Variants in ADAMTS19 observed in about 807,000 individuals in gnomAD.
ADAMTS19 encodes A disintegrin and metalloproteinase with thrombospondin motifs 19.
ADAMTS19 carries 93 observed loss-of-function variants against 153.3 expected under a neutral mutation model. The observed-to-expected ratio is 0.61, with a 90% confidence interval of 0.51 to 0.72. ADAMTS19 has a LOEUF of 0.72. Ranked by LOEUF, ADAMTS19 falls within the 30% of genes least tolerant of loss-of-function variation. The probability of loss-of-function intolerance (pLI) is 0.00; values close to 1 mark genes in which losing one functional copy is unlikely to be tolerated. For missense variants in ADAMTS19, 1,482 were observed against 1,552.1 expected, an observed-to-expected ratio of 0.95 and a Z score of 0.76; for synonymous variants, 600 against 556.6, an observed-to-expected ratio of 1.08 and a Z score of -1.10.
chr5:129,704,387 C>T lies in ADAMTS19; in HGVS notation c.3308C>T (p.Ser1103Phe). 6.2e-7 allele frequency: 1 copy of T among 1,613,328 alleles called. No individual in the cohort carries two copies. ...KCYVWRMGDW[S>F]KCSITCGKGM... ...TATGTGTGGCGAATGGGTGACTGGT[C>T]TAAGGTGAGAACCATTCTGTATATT... Residue 1103 changes from serine to phenylalanine, a missense_variant, in exon 21 of 23, where the codon TCT becomes TTT. Physicochemically the swap from Ser to Phe is radical, Grantham distance 155. Around this residue, in one of 2 missense-constraint regions of ADAMTS19, gnomAD observed 616 missense variants for 724.4 expected, o/e 0.85. Transcript: ENST00000274487.
At chr5:129,509,419 A>G (rs1751364392) in intron 3 of ADAMTS19, among the ~76,000 whole-genome samples, 177 bp downstream of exon 3, 1 of 152,050 alleles carries the variant, frequency 6.6e-6, no homozygotes, top group Non-Finnish European at 1.5e-5. Flanking sequence ...GAAGCACTAC[A>G]TTTTAATATC....
At chr5:129,554,154 G>C (rs1455422794) in intron 7 of ADAMTS19, among the ~76,000 whole-genome samples, 2 of 152,034 alleles carry the variant, frequency 1.3e-5, no homozygotes, top group Non-Finnish European at 2.9e-5. Flanking sequence ...CATATAAAAA[G>C]GAATTGAGCA....
intron 7 of ADAMTS19, among the ~76,000 whole-genome samples, chr5:129,589,331 T>G (rs560110502): frequency 2.0e-5 from 3 of 152,042 alleles, no homozygotes; most frequent in Admixed American, 1.3e-4. Context: ...GTTCCTTCAC[T>G]GAGGGTCTTT....
At chr5:129,720,990 G>C (rs1756983851) in intron 21 of ADAMTS19, among the ~76,000 whole-genome samples, 1 of 152,180 alleles carries the variant, frequency 6.6e-6, no homozygotes, top group Non-Finnish European at 1.5e-5. Context: ...GTAGATTCAA[G>C]TTGTACTATG....
At chr5:129,563,273 A>G (rs1409945627) in intron 7 of ADAMTS19, among the ~76,000 whole-genome samples, 3 of 152,158 alleles carry the variant, frequency 2.0e-5, no homozygotes, top group Non-Finnish European at 4.4e-5. Flanking sequence ...AAAATACTTA[A>G]AGCAATTATT....
intron 7 of ADAMTS19, among the ~76,000 whole-genome samples, chr5:129,571,185 C>G (rs535238482): frequency 1.3e-5 from 2 of 151,822 alleles, no homozygotes; most frequent in African/African-American, 4.8e-5. Context: ...GAAAAAACTC[C>G]TAAAACTAAT....
At chr5:129,685,677 G>A (rs1755053007) in intron 18 of ADAMTS19, among the ~76,000 whole-genome samples, 2 of 152,162 alleles carry the variant, frequency 1.3e-5, no homozygotes, top group Non-Finnish European at 2.9e-5. Flanking sequence ...ACTCAGGAAT[G>A]TTGCTGAAAG....
At chr5:129,519,538 A>G (rs928600543) in intron 3 of ADAMTS19, among the ~76,000 whole-genome samples, 3 of 151,810 alleles carry the variant, frequency 2.0e-5, no homozygotes, top group Admixed American at 6.6e-5. Flanking sequence ...CTTGCCTAAG[A>G]GTTGCAGTCC....
At chr5:129,514,442 CAGT>C (rs1751533683) in intron 3 of ADAMTS19, among the ~76,000 whole-genome samples, 1 of 152,026 alleles carries the variant, frequency 6.6e-6, no homozygotes, top group African/African-American at 2.4e-5. Context: ...ACATCCTTGC[CAGT>C]ATTTGTTGTT....
chr5:129,555,625 C>T (rs952906189), intron 7 of ADAMTS19, among the ~76,000 whole-genome samples: 4 of 152,098 alleles, frequency 2.6e-5, no homozygotes, highest in Non-Finnish European at 4.4e-5. Context: ...CTGTGACAGT[C>T]GCAAAGCAGC....
chr5:129,467,236 A>G (rs1421831803), intron 2 of ADAMTS19, among the ~76,000 whole-genome samples: 2 of 152,158 alleles, frequency 1.3e-5, no homozygotes, highest in East Asian at 3.9e-4. Flanking sequence ...TGTATGCCTC[A>G]GTGACATATT....
At chr5:129,662,897 T>C (rs1184675821) in intron 15 of ADAMTS19, among the ~76,000 whole-genome samples, 1 of 144,036 alleles carries the variant, frequency 6.9e-6, no homozygotes, top group Non-Finnish European at 1.5e-5. Flanking sequence ...CATTTTTTTT[T>C]TTTTTTTTTT....
chr5:129,564,077 G>A (rs1753618435), intron 7 of ADAMTS19, among the ~76,000 whole-genome samples: 1 of 152,034 alleles, frequency 6.6e-6, no homozygotes, highest in South Asian at 2.1e-4. Flanking sequence ...GTGCCACCAT[G>A]CCCAGCTAAT....
intron 2 of ADAMTS19, among the ~76,000 whole-genome samples, chr5:129,489,496 C>T (rs530931363): frequency 5.3e-5 from 8 of 152,074 alleles, no homozygotes; most frequent in Admixed American, 4.6e-4. Context: ...GAATATTTGA[C>T]CTACAGTAAA....
Position 129,641,846 on chromosome 5 carries a change from C to A in ADAMTS19, c.1771-13C>A. 2 of 1,542,382 alleles carry A rather than the reference C, an allele frequency of 1.3e-6. No homozygotes were observed. Among genetic ancestry groups the A allele is most frequent in the East Asian group, 2.3e-5 (1 of 43,060 alleles). On this transcript the variant is annotated splice_polypyrimidine_tract_variant and intron_variant, in intron 10 of 22. Transcript: ENST00000274487. The stretch of plus-strand genomic sequence containing the variant: ...TACCTTCCCCTTATTAGTTATTGTG[C>A]CTTTGTTTTCAGCATGTTATTTGCA...
chr5:129,577,475 G>C (rs1402012955), intron 7 of ADAMTS19, among the ~76,000 whole-genome samples: 2 of 152,098 alleles, frequency 1.3e-5, no homozygotes, highest in African/African-American at 4.8e-5. Flanking sequence ...GGGAGTTCCA[G>C]GGGAGAAGGA....
intron 2 of ADAMTS19, among the ~76,000 whole-genome samples, chr5:129,475,444 C>T (rs983658856): frequency 2.0e-5 from 3 of 152,134 alleles, no homozygotes; most frequent in East Asian, 3.8e-4. Flanking sequence ...TATTTATCTT[C>T]GTGTCAATAC....
chr5:129,542,341 A>C (rs1290993177), intron 6 of ADAMTS19, among the ~76,000 whole-genome samples: 1 of 152,160 alleles, frequency 6.6e-6, no homozygotes, highest in Non-Finnish European at 1.5e-5. Context: ...AATACACTGA[A>C]ATACACTGAC....
At chr5:129,558,498 T>C (rs1029998551) in intron 7 of ADAMTS19, among the ~76,000 whole-genome samples, 1 of 152,092 alleles carries the variant, frequency 6.6e-6, no homozygotes, top group Non-Finnish European at 1.5e-5. Context: ...TTACAATTCA[T>C]TAAAGAAGAC....
Sources: allele counts gnomAD v4.1 joint callset (sites outside exome capture counted in the v4.1 genomes callset), GRCh38; gene constraint gnomAD v4.1.1; regional missense constraint gnomAD v4.1.1; transcripts MANE v1.5; gene names NCBI Gene and HGNC (gene_info 2026-07-23, HGNC 2026-07-21).